ST8SIA6: variants seen among roughly 807,000 people sequenced by gnomAD.
ST8SIA6 encodes alpha-2,8-sialyltransferase 8F.
ST8SIA6 carries 39 observed loss-of-function variants against 33.6 expected under a neutral mutation model. The observed-to-expected ratio is 1.16, with a 90% CI of 0.90 to 1.52. ST8SIA6 has a LOEUF of 1.52. ST8SIA6 is among the 40% of genes most tolerant of loss of function. ST8SIA6 has a pLI of 0.00. For missense variants in ST8SIA6, 441 were observed against 443.8 expected (o/e 0.99, Z 0.06); for synonymous variants, 172 against 167.2 (o/e 1.03, Z -0.22).
intron 2 of ST8SIA6, among the ~76,000 whole-genome samples, chr10:17,452,432 G>A (rs1006143698): frequency 6.6e-6 from 1 of 152,180 alleles, no homozygotes; most frequent in Non-Finnish European, 1.5e-5. Flanking sequence ...AAAAGAGACC[G>A]TATAGCAGAT....
chr10:17,442,866 T>C (rs1158074121), intron 2 of ST8SIA6, among the ~76,000 whole-genome samples: 1 of 152,154 alleles, frequency 6.6e-6, no homozygotes, highest in Non-Finnish European at 1.5e-5. Context: ...CATCCTGTAA[T>C]ACAACATGGT....
At chr10:17,435,712 TG>T (rs142873339) in intron 2 of ST8SIA6, among the ~76,000 whole-genome samples, 3 of 29,916 alleles carry the variant, frequency 1.0e-4, no homozygotes, top group South Asian at 1.7e-3. Context: ...AATGGGGGGT[TG>T]GGGGGGTGGG....
chr10:17,412,092 C>G (rs1290189718), intron 2 of ST8SIA6, among the ~76,000 whole-genome samples: 2 of 151,978 alleles, frequency 1.3e-5, no homozygotes, highest in African/African-American at 4.8e-5. Flanking sequence ...ACTTCTACCC[C>G]CACTCCAGCT....
chr10:17,399,884 C>A (rs1238926284), intron 2 of ST8SIA6, among the ~76,000 whole-genome samples: 2 of 148,574 alleles, frequency 1.3e-5, no homozygotes, highest in Non-Finnish European at 3.0e-5. Flanking sequence ...CACCACTGCA[C>A]TCCAGCCTGG....
chr10:17,375,074 T>C (rs897379635), intron 3 of ST8SIA6, among the ~76,000 whole-genome samples: 2 of 151,882 alleles, frequency 1.3e-5, no homozygotes, highest in African/African-American at 4.8e-5. Context: ...AGCAATGGAA[T>C]TACAGGTGTG....
At chr10:17,405,901 A>C (rs1851240378) in intron 2 of ST8SIA6, among the ~76,000 whole-genome samples, 1 of 151,662 alleles carries the variant, frequency 6.6e-6, no homozygotes, top group Non-Finnish European at 1.5e-5. Context: ...AAAAAAAAAA[A>C]AGAAGAAAGT....
intron 4 of ST8SIA6, among the ~76,000 whole-genome samples, chr10:17,335,337 G>C (rs918053890): frequency 5.9e-5 from 9 of 152,112 alleles, no homozygotes; most frequent in Non-Finnish European, 1.3e-4. Flanking sequence ...TTCTATTATT[G>C]GTTTAGTCCT....
intron 2 of ST8SIA6, among the ~76,000 whole-genome samples, chr10:17,398,177 A>T (rs1850890351): frequency 6.6e-6 from 1 of 152,076 alleles, no homozygotes; most frequent in Admixed American, 6.5e-5. Flanking sequence ...AAATACAAAA[A>T]TTAGCTAGGC....
chr10:17,436,545 CT>C (rs1449538648), intron 2 of ST8SIA6, among the ~76,000 whole-genome samples: 5 of 133,600 alleles, frequency 3.7e-5, no homozygotes, highest in African/African-American at 1.4e-4. Flanking sequence ...ACAACAGTCC[CT>C]GGTGTGTGAT....
At chr10:17,333,975 C>G (rs1456214120) in intron 4 of ST8SIA6, among the ~76,000 whole-genome samples, 1 of 149,178 alleles carries the variant, frequency 6.7e-6, no homozygotes, top group East Asian at 2.0e-4. Flanking sequence ...GCACCCTCAG[C>G]CTCCCAAAGT....
intron 4 of ST8SIA6, among the ~76,000 whole-genome samples, chr10:17,340,443 T>TG (rs1310323497): frequency 6.6e-6 from 1 of 152,182 alleles, no homozygotes; most frequent in Non-Finnish European, 1.5e-5. Flanking sequence ...CTCATACCTC[T>TG]GCTCTCTTTA....
Position 17,319,317 on chromosome 10 carries a change from T to C in ST8SIA6, c.*1561A>G, listed in dbSNP as rs1847869370. Among the ~76,000 whole-genome samples the C allele has an allele frequency of 6.6e-6, 1 of 152,208 alleles. No individual in the cohort carries two copies. Among genetic ancestry groups the C allele is most frequent in the Non-Finnish European group, 1.5e-5 (1 of 68,030 alleles). ...ACTATTTTGCAGATTTGTAGATTAA[T>C]TACCACCAATTCTGACTATAACACA... On this transcript the variant is annotated 3_prime_UTR_variant, in exon 8 of 8. Transcript: ENST00000377602.
intron 2 of ST8SIA6, among the ~76,000 whole-genome samples, chr10:17,392,184 CCAAA>C (rs1431072864): frequency 1.3e-5 from 2 of 152,112 alleles, no homozygotes; most frequent in Admixed American, 6.5e-5. Flanking sequence ...CAACAAATAA[CCAAA>C]CAAATGAATA....
At chr10:17,440,216 T>TTTTC in intron 2 of ST8SIA6, among the ~76,000 whole-genome samples, 1 of 151,236 alleles carries the variant, frequency 6.6e-6, no homozygotes, top group African/African-American at 2.4e-5. Flanking sequence ...TATTTTTTTT[T>TTTTC]TTTTTTTTGA....
chr10:17,360,428 G>GAT (rs1849343477), intron 3 of ST8SIA6, among the ~76,000 whole-genome samples: 3 of 140,382 alleles, frequency 2.1e-5, no homozygotes, highest in Non-Finnish European at 4.7e-5. Context: ...AACATGATGA[G>GAT]TACTGGGAAC....
At chr10:17,387,717 G>A (rs933424499) in intron 3 of ST8SIA6, among the ~76,000 whole-genome samples, 4 of 152,192 alleles carry the variant, frequency 2.6e-5, no homozygotes, top group African/African-American at 9.7e-5. Flanking sequence ...AGAGAAATGA[G>A]GGGAAATGGG....
chr10:17,452,094 T>A (rs542760126), intron 2 of ST8SIA6, among the ~76,000 whole-genome samples: 1 of 152,208 alleles, frequency 6.6e-6, no homozygotes, highest in Non-Finnish European at 1.5e-5. Context: ...CGGGAAAAGA[T>A]GGAATGCTTC....
chr10:17,390,704 A>G, intron 2 of ST8SIA6, 84 bp from the exon 3 acceptor site: 1 of 1,115,336 alleles, frequency 9.0e-7, no homozygotes, highest in Non-Finnish European at 1.3e-6. Context: ...GATTTAATTG[A>G]TAAAGTGTGT....
intron 2 of ST8SIA6, among the ~76,000 whole-genome samples, chr10:17,440,974 GCAAGAGTTCATTACA>G: frequency 6.6e-6 from 1 of 152,108 alleles, no homozygotes; most frequent in South Asian, 2.1e-4. Context: ...TAATTGAGTT[GCAAGAGTTCATTACA>G]TATTCTGGAT....
Sources: gnomAD v4.1 joint callset for allele counts (sites outside exome capture counted in the v4.1 genomes callset) on GRCh38, gnomAD v4.1.1 for gene constraint, MANE v1.5 for transcripts, NCBI Gene and HGNC (gene_info 2026-07-23, HGNC 2026-07-21) for gene names.